Variants in KRT34 observed in about 807,000 individuals in gnomAD.
The protein encoded by KRT34 is keratin, type I cuticular Ha4.
KRT34 carries 31 observed loss-of-function variants against 41.7 expected under a neutral mutation model. That is an observed-to-expected ratio of 0.74 (90% CI 0.56 to 1.00). The LOEUF (loss-of-function observed/expected upper bound fraction) is 1.00, where lower values mean the gene tolerates loss of function less well. KRT34 is among the 50% of genes least tolerant of loss of function. The pLI is 0.00. For synonymous variants in KRT34, 224 were observed against 212.9 expected (o/e 1.05, Z -0.45); for missense variants, 523 against 500.3 (o/e 1.05, Z -0.43).
rs757990104 is a variant in KRT34 at position 41,382,211 on chromosome 17, G to T, written c.36C>A (p.Cys12Ter). The change falls in exon 1 of 7, where the codon TGC (cysteine) becomes TGA (stop). Residue 12 changes from cysteine to a stop codon, truncating the protein, a stop_gained. Transcript: ENST00000394001. LOFTEE classifies it high-confidence loss of function. Reference protein sequence around the residue: ...SYSCCLPSLGCRTSCSSRPCV... With the variant: ...SYSCCLPSLG ...AGGGCCGGGAGGAGCAGCTGGTGCG[G>T]CAGCCCAGGCTGGGCAGGCAACAAC... is the stretch of plus-strand genomic sequence containing the variant. 4 of 1,612,502 alleles carry T rather than the reference G, an allele frequency of 2.5e-6. No individual in the cohort carries two copies. The highest frequency in any genetic ancestry group is 3.4e-6 in the Non-Finnish European group (4 of 1,180,026).
At chr17:41,382,818 C>T (rs1375959888), upstream of KRT34, among the ~76,000 whole-genome samples, 1 of 152,172 alleles carries the variant, frequency 6.6e-6, no homozygotes, top group Non-Finnish European at 1.5e-5. Context: ...CTGAGCCTTA[C>T]TATTCGTTGG....
rs757526285 is a variant in KRT34, at chr17:41,379,743, A to C, written c.589-12T>G. The C allele has an allele frequency of 1.5e-5, 24 of 1,587,758 alleles. No individual in the cohort carries two copies. The highest frequency in any genetic ancestry group is 2.1e-5 in the Non-Finnish European group (24 of 1,168,198). On this transcript the variant is annotated splice_polypyrimidine_tract_variant and intron_variant, in intron 3 of 6. Transcript: ENST00000394001. Reference sequence around the variant, plus strand: ...AGGGTGTTAACCTCCTGTTGGAGAAAAGGGAAACAATGAACCTACGGCAAT... The same window carrying C: ...AGGGTGTTAACCTCCTGTTGGAGAACAGGGAAACAATGAACCTACGGCAAT...
At chr17:41,381,234 G>A (rs1213038340) in intron 2 of KRT34, 22 bp from the exon 3 acceptor site, 3 of 1,606,008 alleles carry the variant, frequency 1.9e-6, no homozygotes, top group Middle Eastern at 1.7e-4. Context: ...GGAGTGGGAG[G>A]ATAAGTCAGG....
intron 3 of KRT34, 41 bp from the exon 4 acceptor site, chr17:41,379,772 T>A: frequency 1.3e-6 from 2 of 1,549,702 alleles, no homozygotes; most frequent in Admixed American, 4.0e-5. Flanking sequence ...CGGCAATGGA[T>A]CTGCCATTTT....
At chr17:41,381,835 A>T in intron 1 of KRT34, 40 bp from the exon 2 acceptor site, 1 of 1,613,986 alleles carries the variant, frequency 6.2e-7, no homozygotes, top group Non-Finnish European at 8.5e-7. Flanking sequence ...CTTGAACTTG[A>T]AAATGTCTTA....
intron 5 of KRT34, 76 bp from the exon 6 acceptor site, chr17:41,379,252 C>A: frequency 6.2e-7 from 1 of 1,608,086 alleles, no homozygotes. Flanking sequence ...AAGGAAGTCA[C>A]AAGCTCCAAG....
In KRT34 at chr17:41,380,764, C is replaced by T. The variant is rs376838190; in HGVS notation, c.588+292G>A. Reference sequence around the variant, plus strand: ...GGGCCATGTCTTATTTCTTTTTTGTCCCTCCATCTCCACCACCAAATTCAG... The same window carrying T: ...GGGCCATGTCTTATTTCTTTTTTGTTCCTCCATCTCCACCACCAAATTCAG... On this transcript the variant is annotated intron_variant, in intron 3 of 6. Transcript: ENST00000394001. Among the ~76,000 whole-genome samples, 7 of 152,004 alleles carry T rather than the reference C, an allele frequency of 4.6e-5. No homozygotes were observed. The South Asian group carries it at 1.5e-3, about 32-fold the overall frequency.
intron 3 of KRT34, among the ~76,000 whole-genome samples, chr17:41,380,078 G>A (rs1268775287): frequency 1.3e-5 from 2 of 152,124 alleles, no homozygotes; most frequent in Non-Finnish European, 2.9e-5. Context: ...AGCCAACATG[G>A]TGAAACCCCA....
Position 41,378,026 on chromosome 17 carries a change from T to G in KRT34, c.*33A>C. ...CCTTCCTGTGGTTGATCTAAATGGCTTTGTAGATGTCTTCAAAGAGGATAC... is the reference window on the plus strand; with the variant it reads ...CCTTCCTGTGGTTGATCTAAATGGCGTTGTAGATGTCTTCAAAGAGGATAC... On this transcript the variant is annotated 3_prime_UTR_variant, in exon 7 of 7. Coordinates refer to ENST00000394001, the MANE Select transcript of KRT34 (RefSeq NM_001386014.1). 1 of 1,527,738 alleles carries G rather than the reference T, an allele frequency of 6.5e-7. No individual in the cohort carries two copies. Among genetic ancestry groups the G allele is most frequent in the South Asian group, 1.1e-5 (1 of 88,646 alleles). 94.6% of individuals were successfully genotyped at this position (1,527,738 alleles called of 1,614,324 possible).
In KRT34 at chr17:41,379,178, TGTG is replaced by T. The variant is rs746163289; in HGVS notation, c.877-5_877-3del. On this transcript the variant is annotated splice_polypyrimidine_tract_variant and splice_region_variant and intron_variant, in intron 5 of 6. Transcript: ENST00000394001. ...CAGCGTGTTTTCCAGAGAGTCTCGC[TGTG>T]GTGGGGAAGATCAGGAATGTCAGAG... The T allele has an allele frequency of 2.5e-6, 4 of 1,614,158 alleles. No individual in the cohort carries two copies. The South Asian group carries it at 4.4e-5, about 18-fold the overall frequency.
intron 6 of KRT34, 59 bp downstream of exon 6, chr17:41,378,897 T>C (rs921017963): frequency 6.2e-7 from 1 of 1,602,518 alleles, no homozygotes. Context: ...CCACCATTTG[T>C]GTGCCTACAA....
chr17:41,380,582 TG>T (rs36071440), intron 3 of KRT34, among the ~76,000 whole-genome samples: 17,614 of 152,158 alleles, frequency 0.12, 1,379 homozygotes, highest in African/African-American at 0.23. Flanking sequence ...TCTTTGCATC[TG>T]AGAAGAGTTC....
At chr17:41,378,274 T>A in intron 6 of KRT34, 128 bp from the exon 7 acceptor site, 2 of 695,984 alleles carry the variant, frequency 2.9e-6, no homozygotes, top group South Asian at 3.3e-5. Flanking sequence ...TCTTTTTGTT[T>A]TGTTTTGTTT....
rs1567675984 is a variant in KRT34 at position 41,379,461 on chromosome 17, C to G, written c.768G>C (p.Lys256Asn). 1 of 1,614,118 alleles carries G rather than the reference C, an allele frequency of 6.2e-7. No individual in the cohort carries two copies. Among genetic ancestry groups the G allele is most frequent in the Non-Finnish European group, 8.5e-7 (1 of 1,180,046 alleles). ...GCTGCTCTGAGCTGGATACCACCTG[C>G]TTGTTCAGCTCCTCGGTCTGAAACA... ...WFATQTEELN[K>N]QVVSSSEQLQ... Residue 256 changes from lysine (K) to asparagine (N), a missense_variant, in exon 5 of 7, where the codon AAG becomes AAC. Transcript: ENST00000394001.
chr17:41,379,396 G>A lies in KRT34; in HGVS notation c.833C>T (p.Thr278Ile), dbSNP rs1271233322. 1.2e-6 allele frequency: 2 copies of A among 1,613,616 alleles called. No homozygotes were observed. Among genetic ancestry groups the A allele is most frequent in the East Asian group, 4.5e-5 (2 of 44,884 alleles). Reference protein sequence around the residue: ...CQAEIIELRRTVNALEIELQA... With the variant: ...CQAEIIELRRIVNALEIELQA... ...CAGCTCGATCTCCAGGGCGTTGACT[G>A]TGCGTCTCAGCTCGATGATCTCCGC... is the stretch of plus-strand genomic sequence containing the variant. The change falls in exon 5 of 7, where the codon ACA becomes ATA. Residue 278 changes from threonine (T) to isoleucine (I), a missense_variant. By Grantham distance (89) the Thr-to-Ile change is moderately conservative. Coordinates refer to ENST00000394001, the MANE Select transcript of KRT34 (RefSeq NM_001386014.1).
At chr17:41,381,242 A>T in intron 2 of KRT34, 30 bp from the exon 3 acceptor site, 2 of 1,602,624 alleles carry the variant, frequency 1.2e-6, no homozygotes, top group Non-Finnish European at 1.7e-6. Context: ...AGGATAAGTC[A>T]GGAAAGAAAA....
upstream of KRT34, among the ~76,000 whole-genome samples, chr17:41,382,559 C>G (rs1278600275): frequency 6.6e-6 from 1 of 152,152 alleles, no homozygotes; most frequent in Non-Finnish European, 1.5e-5. Flanking sequence ...AGAATCATCA[C>G]AGCCCCAAAA....
chr17:41,380,965 C>T lies in KRT34; in HGVS notation c.588+91G>A, dbSNP rs143394588. ...CATCTTGAGTTCCTCAGAGAAGGGT[C>T]CCAGACCAGGGATCCAGACAGTAAT... On this transcript the variant is annotated intron_variant, in intron 3 of 6. Coordinates refer to ENST00000394001, the MANE Select transcript of KRT34 (RefSeq NM_001386014.1). 5.1e-5 allele frequency: 66 copies of T among 1,293,554 alleles called. 2 individuals are homozygous for T. In the East Asian group the frequency reaches 1.5e-3, roughly 28 times the overall value. 80.1% of individuals were successfully genotyped at this position (1,293,554 alleles called of 1,614,324 possible). A position where few individuals can be genotyped will look rare whatever the true frequency, so the allele number is the denominator to read the frequency against.
At chr17:41,379,241 C>T in intron 5 of KRT34, 65 bp from the exon 6 acceptor site, 1 of 1,608,648 alleles carries the variant, frequency 6.2e-7, no homozygotes, top group Non-Finnish European at 8.5e-7. Context: ...CACAGGATTA[C>T]AAGGAAGTCA....
Sources: allele counts gnomAD v4.1 joint callset (sites outside exome capture counted in the v4.1 genomes callset), GRCh38; gene constraint gnomAD v4.1.1; transcripts MANE v1.5; gene names NCBI Gene and HGNC (gene_info 2026-07-23, HGNC 2026-07-21).